Variants in PHACTR3 observed in about 807,000 individuals in gnomAD.
PHACTR3 encodes the protein phosphatase and actin regulator 3.
PHACTR3 carries 16 observed loss-of-function variants against 66.8 expected under a neutral mutation model. That is an observed-to-expected ratio of 0.24 (90% CI 0.16 to 0.36). PHACTR3 has a LOEUF of 0.36. Ranked by LOEUF, PHACTR3 falls within the 10% of genes least tolerant of loss-of-function variation. The pLI, the probability that PHACTR3 is intolerant of heterozygous loss-of-function variation, is 1.00. For synonymous variants in PHACTR3, 323 were observed against 292.1 expected (o/e 1.11, Z -1.08); for missense variants, 647 against 719.9 (o/e 0.90, Z 1.16).
intron 8 of PHACTR3, 121 bp downstream of exon 8, chr20:59,806,315 T>G: frequency 7.7e-7 from 1 of 1,294,098 alleles, no homozygotes; most frequent in Non-Finnish European, 1.1e-6. Context: ...CTGCAGCAGG[T>G]CTCTTGACCC....
At chr20:59,674,495 C>T (rs1436532602) in intron 1 of PHACTR3, among the ~76,000 whole-genome samples, 2 of 131,658 alleles carry the variant, frequency 1.5e-5, no homozygotes, top group Non-Finnish European at 3.2e-5. Flanking sequence ...TCTCGTTCCC[C>T]TTCTCCTGTT....
chr20:59,662,484 G>C (rs2035842790), intron 1 of PHACTR3, among the ~76,000 whole-genome samples: 1 of 152,114 alleles, frequency 6.6e-6, no homozygotes, highest in African/African-American at 2.4e-5. Flanking sequence ...ACCAACGAAA[G>C]GCCCATGAGT....
chr20:59,737,640 T>C (rs1490132932), intron 1 of PHACTR3, among the ~76,000 whole-genome samples: 2 of 151,836 alleles, frequency 1.3e-5, no homozygotes, highest in African/African-American at 2.4e-5. Context: ...AGGCAAGAAA[T>C]AGTGAGGAGT....
At chr20:59,839,503 A>C (rs2059019490) in intron 9 of PHACTR3, among the ~76,000 whole-genome samples, 2 of 152,188 alleles carry the variant, frequency 1.3e-5, no homozygotes, top group South Asian at 4.1e-4. Flanking sequence ...TGATTGTTGA[A>C]ATCTCTTTCC....
chr20:59,644,794 T>A (rs940049213), intron 1 of PHACTR3, among the ~76,000 whole-genome samples: 1 of 152,196 alleles, frequency 6.6e-6, no homozygotes, highest in Non-Finnish European at 1.5e-5. Context: ...TCCCTTTGTG[T>A]CACATCCCTA....
At chr20:59,660,276 C>T (rs1328681069) in intron 1 of PHACTR3, among the ~76,000 whole-genome samples, 4 of 152,178 alleles carry the variant, frequency 2.6e-5, no homozygotes, top group African/African-American at 4.8e-5. Flanking sequence ...GGGCAGATCA[C>T]GAGGTCAGAA....
chr20:59,664,831 G>A (rs1416583232), intron 1 of PHACTR3, among the ~76,000 whole-genome samples: 1 of 152,144 alleles, frequency 6.6e-6, no homozygotes, highest in Non-Finnish European at 1.5e-5. Context: ...GTCAGCCCCT[G>A]AAATCTGACA....
chr20:59,786,934 T>G (rs2040936932), intron 7 of PHACTR3, among the ~76,000 whole-genome samples: 1 of 151,504 alleles, frequency 6.6e-6, no homozygotes, highest in East Asian at 1.9e-4. Context: ...TAATCACTAT[T>G]TTTTTTTCAG....
chr20:59,835,861 G>A (rs1033264705), intron 8 of PHACTR3: 2 of 152,316 alleles, frequency 1.3e-5, no homozygotes, highest in Non-Finnish European at 2.9e-5. Context: ...GGCTGGAAGA[G>A]ATTCCCAGTT....
chr20:59,687,877 T>A (rs62203948), intron 1 of PHACTR3, among the ~76,000 whole-genome samples: 13,986 of 152,202 alleles, frequency 0.092, 858 homozygotes, highest in South Asian at 0.22. Flanking sequence ...TTTCACAGAA[T>A]CCTGTGGTCA....
chr20:59,839,982 A>C lies in PHACTR3; in HGVS notation c.1385-387A>C, dbSNP rs77193354. On this transcript the variant is annotated intron_variant, in intron 9 of 12. Coordinates refer to ENST00000371015, the MANE Select transcript of PHACTR3 (RefSeq NM_080672.5). ...TTGAAATGTACATATACATTTATTT[A>C]CTTAGTCTACTACAGCTTTTTTTAT... Among the ~76,000 whole-genome samples, 983 of 152,308 alleles carry C rather than the reference A, an allele frequency of 6.5e-3. 15 individuals carry two copies. Among genetic ancestry groups the C allele is most frequent in the African/African-American group, 0.023 (943 of 41,574 alleles).
At chr20:59,720,015 C>T (rs2038234717) in intron 1 of PHACTR3, among the ~76,000 whole-genome samples, 1 of 152,084 alleles carries the variant, frequency 6.6e-6, no homozygotes, top group Non-Finnish European at 1.5e-5. Flanking sequence ...CCTGTGTTTC[C>T]ATTTCTTGGT....
chr20:59,739,045 T>TCCC (rs1414206028), intron 1 of PHACTR3, among the ~76,000 whole-genome samples: 2 of 152,128 alleles, frequency 1.3e-5, no homozygotes, highest in Non-Finnish European at 2.9e-5. Context: ...AAGAGAAGGA[T>TCCC]CCCTGTACAT....
chr20:59,645,988 G>A (rs532966948), intron 1 of PHACTR3, among the ~76,000 whole-genome samples: 84 of 152,300 alleles, frequency 5.5e-4, no homozygotes, highest in African/African-American at 1.8e-3. Flanking sequence ...CCCTGGCCCC[G>A]TTCTGCCTGG....
rs114862988 is a variant in PHACTR3, at chr20:59,783,065, G to A, written c.1174+8575G>A. Among the ~76,000 whole-genome samples the A allele has an allele frequency of 2.0e-3, 303 of 152,294 alleles. 1 individual carries two copies. Among genetic ancestry groups the A allele is most frequent in the African/African-American group, 7.1e-3 (295 of 41,560 alleles). On this transcript the variant is annotated intron_variant, in intron 7 of 12. Transcript: ENST00000371015. ...TGGGGAGGGTGTACTGAAAGGCTTC[G>A]TGCAGTGTATGCTTCTGTAAAGTGA...
chr20:59,835,209 CAACACTT>C (rs1287343849), intron 8 of PHACTR3, among the ~76,000 whole-genome samples: 1 of 152,142 alleles, frequency 6.6e-6, no homozygotes, highest in African/African-American at 2.4e-5. Context: ...ACTGCAAAAG[CAACACTT>C]AAGTGAGCTA....
At chr20:59,678,449 C>T (rs7273691) in intron 1 of PHACTR3, among the ~76,000 whole-genome samples, 41,533 of 152,016 alleles carry the variant, frequency 0.27, 6,601 homozygotes, top group African/African-American at 0.44. Context: ...GATGGGAGTG[C>T]GTTCCTCCTG....
intron 4 of PHACTR3, among the ~76,000 whole-genome samples, chr20:59,761,182 T>A (rs917968968): frequency 1.3e-5 from 2 of 152,088 alleles, no homozygotes; most frequent in Non-Finnish European, 2.9e-5. Flanking sequence ...GGAGCACTGC[T>A]CTAGTGGGCC....
At chr20:59,598,910 C>G (rs1333715596) in intron 1 of PHACTR3, among the ~76,000 whole-genome samples, 4 of 152,212 alleles carry the variant, frequency 2.6e-5, no homozygotes, top group Admixed American at 2.0e-4. Context: ...GGTCCTGGAA[C>G]TCCCACACTG....
Sources: gnomAD v4.1 joint callset for allele counts (sites outside exome capture counted in the v4.1 genomes callset) on GRCh38, gnomAD v4.1.1 for gene constraint, MANE v1.5 for transcripts, NCBI Gene and HGNC (gene_info 2026-07-23, HGNC 2026-07-21) for gene names.